ABL2: variants seen among roughly 807,000 people sequenced by gnomAD.
ABL2 encodes the protein ABL proto-oncogene 2, non-receptor tyrosine kinase, also known as tyrosine-protein kinase ABL2.
Under a neutral mutation model 107.7 loss-of-function variants are expected in ABL2, and 49 were observed. The ratio of observed to expected loss-of-function variants is 0.45; its 90% CI spans 0.36 to 0.58. The LOEUF (loss-of-function observed/expected upper bound fraction) is 0.58, where lower values mean the gene tolerates loss of function less well. Ranked by LOEUF, ABL2 falls within the 20% of genes least tolerant of loss-of-function variation. ABL2 has a pLI of 0.00. For synonymous variants in ABL2, 549 were observed against 548.6 expected (o/e 1.00, Z -0.01); for missense variants, 1,245 against 1,457.0 (o/e 0.85, Z 2.37).
chr1:179,105,033 C>A lies in ABL2; in HGVS notation c.*2685G>T. 4.4e-6 allele frequency: 1 copy of A among 229,794 alleles called. No individual in the cohort carries two copies. Among genetic ancestry groups the A allele is most frequent in the East Asian group, 6.2e-5 (1 of 16,150 alleles). The allele number at this position is 229,794 out of a possible 1,614,324, so 14.2% of individuals were successfully genotyped here. On this transcript the variant is annotated 3_prime_UTR_variant, in exon 12 of 12. Coordinates refer to ENST00000502732, the MANE Select transcript of ABL2 (RefSeq NM_007314.4). ...GCCTCTTTAACCTGAACCTTGAGCCCTCAACCCCTGAAGTTACATAGTTCA... is the reference window on the plus strand; with the variant it reads ...GCCTCTTTAACCTGAACCTTGAGCCATCAACCCCTGAAGTTACATAGTTCA...
At chr1:179,204,971 A>C (rs1012282870) in intron 1 of ABL2, among the ~76,000 whole-genome samples, 3 of 152,038 alleles carry the variant, frequency 2.0e-5, no homozygotes, top group Admixed American at 1.3e-4. Context: ...TGCATGTAAC[A>C]TAATGGGTGA....
At chr1:179,114,755 C>G in intron 9 of ABL2, 123 bp downstream of exon 9, 1 of 1,028,924 alleles carries the variant, frequency 9.7e-7, no homozygotes, top group Non-Finnish European at 1.4e-6. Context: ...ATGATAAACT[C>G]TTTAAATGTC....
At chr1:179,142,958 T>G (rs566591407) in intron 1 of ABL2, 3 of 1,614,220 alleles carry the variant, frequency 1.9e-6, no homozygotes, top group Non-Finnish European at 2.5e-6. Context: ...GAGCAGATTC[T>G]GAGGCCTCAG....
chr1:179,182,942 G>A (rs985973632), intron 1 of ABL2, among the ~76,000 whole-genome samples: 3 of 152,096 alleles, frequency 2.0e-5, no homozygotes, highest in Non-Finnish European at 4.4e-5. Context: ...TTGAGGTACA[G>A]AAAACTGGAA....
intron 1 of ABL2, among the ~76,000 whole-genome samples, chr1:179,212,475 G>C (rs973020472): frequency 6.6e-6 from 1 of 152,148 alleles, no homozygotes; most frequent in Non-Finnish European, 1.5e-5. Context: ...GCTCACACCT[G>C]TAATCACAGC....
chr1:179,160,641 GAT>G (rs1269368933), intron 1 of ABL2, among the ~76,000 whole-genome samples: 2 of 150,852 alleles, frequency 1.3e-5, no homozygotes, highest in Non-Finnish European at 3.0e-5. Flanking sequence ...GAAATACTGA[GAT>G]ATGAGTCTTT....
intron 2 of ABL2, among the ~76,000 whole-genome samples, chr1:179,132,996 T>G (rs1656490635): frequency 6.6e-6 from 1 of 151,684 alleles, no homozygotes; most frequent in South Asian, 2.1e-4. Flanking sequence ...GTAGGTGGGA[T>G]TACAGGTGCA....
intron 1 of ABL2, 33 bp downstream of exon 1, chr1:179,229,208 C>CCCCCCCCCCCCCCAACA: frequency 6.7e-7 from 1 of 1,488,052 alleles, no homozygotes. Flanking sequence ...CGGCCTCCCC[C>CCCCCCCCCCCCCCAACA]ACGCTCTCAT....
Position 179,100,656 on chromosome 1 carries a change from TGAG to T in ABL2, c.*7059_*7061del. 1 of 229,488 alleles carries T rather than the reference TGAG, an allele frequency of 4.4e-6. No homozygotes were observed. 14.2% of individuals were successfully genotyped at this position (229,488 alleles called of 1,614,324 possible). On this transcript the variant is annotated 3_prime_UTR_variant, in exon 12 of 12. Coordinates refer to ENST00000502732, the MANE Select transcript of ABL2 (RefSeq NM_007314.4). ...TAGCATGCTCGGAGACCTCAGCTTC[TGAG>T]GGTTCAGCTCAGTAGCCTGGAGTGA... is the stretch of plus-strand genomic sequence containing the variant.
At chr1:179,184,958 A>G (rs761503113) in intron 1 of ABL2, among the ~76,000 whole-genome samples, 10 of 152,020 alleles carry the variant, frequency 6.6e-5, no homozygotes, top group Admixed American at 5.2e-4. Flanking sequence ...ACCACCACCT[A>G]GCTCTGTCGG....
chr1:179,184,805 G>A (rs994160777), intron 1 of ABL2, among the ~76,000 whole-genome samples: 13 of 151,898 alleles, frequency 8.6e-5, no homozygotes, highest in African/African-American at 2.7e-4. Flanking sequence ...TGTTCTTGAG[G>A]TCTCTTTTCT....
intron 1 of ABL2, among the ~76,000 whole-genome samples, chr1:179,216,429 G>GAC (rs1662566163): frequency 6.6e-6 from 1 of 152,082 alleles, no homozygotes; most frequent in Admixed American, 6.5e-5. Context: ...CACAAACACA[G>GAC]ACACACACAT....
intron 1 of ABL2, among the ~76,000 whole-genome samples, chr1:179,220,106 C>T (rs2124856056): frequency 6.6e-6 from 1 of 152,340 alleles, no homozygotes; most frequent in East Asian, 1.9e-4. Context: ...TAAATCTCCA[C>T]ATTATGGCAA....
intron 1 of ABL2, among the ~76,000 whole-genome samples, chr1:179,183,008 A>AGCT (rs1557981150): frequency 1.3e-5 from 2 of 152,058 alleles, no homozygotes; most frequent in Non-Finnish European, 2.9e-5. Flanking sequence ...TTTAACAAAT[A>AGCT]GCTAAGTTTT....
At chr1:179,132,110 A>G (rs12406754) in intron 2 of ABL2, among the ~76,000 whole-genome samples, 2 of 152,244 alleles carry the variant, frequency 1.3e-5, no homozygotes, top group Non-Finnish European at 2.9e-5. Flanking sequence ...TTAAAAAAAC[A>G]AAAGAAATGT....
At chr1:179,110,726 T>C (rs973212820) in intron 10 of ABL2, 1 of 1,611,200 alleles carries the variant, frequency 6.2e-7, no homozygotes, top group Non-Finnish European at 8.5e-7. Context: ...GTTCTCCTCT[T>C]GATGGATGTT....
At chr1:179,174,164 T>C (rs1170176437) in intron 1 of ABL2, among the ~76,000 whole-genome samples, 5 of 151,976 alleles carry the variant, frequency 3.3e-5, no homozygotes, top group African/African-American at 7.3e-5. Flanking sequence ...GGTGTGTGCA[T>C]GTAGTCCCAG....
intron 1 of ABL2, among the ~76,000 whole-genome samples, chr1:179,154,679 G>T (rs1170615112): frequency 6.6e-6 from 1 of 152,200 alleles, no homozygotes; most frequent in Non-Finnish European, 1.5e-5. Context: ...ACTGGCTGAA[G>T]GACTGACCTA....
intron 1 of ABL2, among the ~76,000 whole-genome samples, chr1:179,174,364 T>G (rs1035256263): frequency 1.3e-5 from 2 of 151,188 alleles, no homozygotes; most frequent in Non-Finnish European, 2.9e-5. Context: ...ATCCCAGCAC[T>G]TTGGGAGGCC....
Sources: gnomAD v4.1 joint callset for allele counts (sites outside exome capture counted in the v4.1 genomes callset) on GRCh38, gnomAD v4.1.1 for gene constraint, MANE v1.5 for transcripts, NCBI Gene and HGNC (gene_info 2026-07-23, HGNC 2026-07-21) for gene names.